Variants in MBOAT2 observed in about 807,000 individuals in gnomAD.
The protein encoded by MBOAT2 is membrane-bound glycerophospholipid O-acyltransferase 2.
MBOAT2 carries 28 observed loss-of-function variants against 63.4 expected under a neutral mutation model. The observed-to-expected ratio is 0.44, with a 90% CI of 0.33 to 0.61. The LOEUF is 0.61. Ranked by LOEUF, MBOAT2 falls within the 20% of genes least tolerant of loss-of-function variation. MBOAT2 has a pLI of 0.03. For synonymous variants in MBOAT2, 211 were observed against 215.6 expected (o/e 0.98, Z 0.19); for missense variants, 470 against 605.8 (o/e 0.78, Z 2.35).
intron 3 of MBOAT2, among the ~76,000 whole-genome samples, chr2:8,928,196 G>T (rs1320092539): frequency 1.3e-5 from 2 of 152,136 alleles, no homozygotes; most frequent in African/African-American, 2.4e-5. Context: ...AACACTGGGG[G>T]TTACATTTCA....
At chr2:8,900,323 G>A (rs1045628913) in intron 4 of MBOAT2, among the ~76,000 whole-genome samples, 1 of 152,182 alleles carries the variant, frequency 6.6e-6, no homozygotes, top group South Asian at 2.1e-4. Context: ...TGGGGCTGCA[G>A]CTAAAGTCGC....
At chr2:8,944,648 G>C (rs1011237565) in intron 2 of MBOAT2, among the ~76,000 whole-genome samples, 3 of 140,142 alleles carry the variant, frequency 2.1e-5, no homozygotes, top group African/African-American at 7.7e-5. Context: ...CTGTTTGACT[G>C]ACACACACAC....
chr2:8,922,272 CCTT>C (rs1325903792), intron 3 of MBOAT2, among the ~76,000 whole-genome samples: 1 of 152,116 alleles, frequency 6.6e-6, no homozygotes, highest in Non-Finnish European at 1.5e-5. Context: ...TCATGATCCT[CCTT>C]ATCTTAATTC....
In MBOAT2 at chr2:8,858,846, T is replaced by C. The variant is rs1376965890; in HGVS notation, c.1396A>G (p.Lys466Glu). The C allele has an allele frequency of 4.3e-6, 7 of 1,613,884 alleles. No individual in the cohort carries two copies. The South Asian group carries it at 6.6e-5, about 15-fold the overall frequency. ...GILVLLLLPV[K>E]KTQRRKNTHE... is the part of the protein sequence containing the mutation. ...GTATTCTTTCTTCTTTGAGTTTTTTTCACTGGCAACAACAATAATACTAAG... is the reference window on the plus strand; with the variant it reads ...GTATTCTTTCTTCTTTGAGTTTTTTCCACTGGCAACAACAATAATACTAAG... The change falls in exon 13 of 13, where the codon AAA becomes GAA. Residue 466 changes from lysine to glutamate, a missense_variant. By Grantham distance (56) the Lys-to-Glu change is moderately conservative. This residue lies in a region of MBOAT2 where 90 missense variants were observed against 84.9 expected (regional missense o/e 1.06). Coordinates refer to ENST00000305997, the MANE Select transcript of MBOAT2 (RefSeq NM_138799.4).
At chr2:8,978,954 T>C (rs1317190913) in intron 1 of MBOAT2, among the ~76,000 whole-genome samples, 1 of 152,080 alleles carries the variant, frequency 6.6e-6, no homozygotes, top group Non-Finnish European at 1.5e-5. Context: ...TGAGATGTGC[T>C]TTCCTCAAAC....
intron 6 of MBOAT2, 41 bp downstream of exon 6, chr2:8,882,470 G>A (rs1051114284): frequency 3.1e-6 from 5 of 1,599,990 alleles, no homozygotes; most frequent in Admixed American, 3.3e-5. Flanking sequence ...CCTAGGCAGG[G>A]GCGCAGGAAG....
intron 3 of MBOAT2, among the ~76,000 whole-genome samples, chr2:8,915,231 G>A (rs1444547520): frequency 6.6e-6 from 1 of 152,074 alleles, no homozygotes; most frequent in South Asian, 2.1e-4. Context: ...GAGCCACCGT[G>A]CCCAGCCGGA....
chr2:8,943,509 C>T (rs1668196696), intron 2 of MBOAT2, among the ~76,000 whole-genome samples: 1 of 152,204 alleles, frequency 6.6e-6, no homozygotes, highest in Non-Finnish European at 1.5e-5. Context: ...CACTCCATGT[C>T]TCCTGGCTGC....
intron 11 of MBOAT2, 75 bp from the exon 12 acceptor site, chr2:8,860,839 A>G (rs925501853): frequency 1.7e-6 from 2 of 1,180,208 alleles, no homozygotes; most frequent in African/African-American, 3.1e-5. Flanking sequence ...GGTGATATCA[A>G]CTGTTGGAAG....
At chr2:8,994,763 G>A (rs1276226350) in intron 1 of MBOAT2, among the ~76,000 whole-genome samples, 1 of 152,154 alleles carries the variant, frequency 6.6e-6, no homozygotes, top group East Asian at 1.9e-4. Flanking sequence ...GGAAAGGATG[G>A]GGCAAATCTT....
intron 4 of MBOAT2, among the ~76,000 whole-genome samples, chr2:8,889,786 A>G (rs998722432): frequency 3.9e-5 from 6 of 152,242 alleles, no homozygotes; most frequent in African/African-American, 7.2e-5. Context: ...TCAGTGACAC[A>G]GTAAGCTGTC....
intron 9 of MBOAT2, among the ~76,000 whole-genome samples, chr2:8,864,781 T>C (rs1661743737): frequency 6.6e-6 from 1 of 152,108 alleles, no homozygotes. Context: ...TCTCTCAAGT[T>C]ACTCCCACTA....
chr2:8,926,733 T>G (rs997936764), intron 3 of MBOAT2, among the ~76,000 whole-genome samples: 2 of 152,158 alleles, frequency 1.3e-5, no homozygotes, highest in African/African-American at 2.4e-5. Flanking sequence ...GTAAAAATCA[T>G]CTGGGCAGCA....
chr2:9,003,558 C>T lies in MBOAT2; in HGVS notation c.57G>A (p.Val19=). 1 of 1,228,798 alleles carries T rather than the reference C, an allele frequency of 8.1e-7. No homozygotes were observed. Among genetic ancestry groups the T allele is most frequent in the Non-Finnish European group, 1.0e-6 (1 of 979,418 alleles). 76.1% of individuals were successfully genotyped at this position (1,228,798 alleles called of 1,614,324 possible). A position where few individuals can be genotyped will look rare whatever the true frequency, so the allele number is the denominator to read the frequency against. ...GGGGTACCTGGTCGATGGGCAGCTG[C>T]ACGGCGTTGCTGAGGGGCTGCAGCA... ...STLLQPLSNA[V]QLPIDQVNFV... is the part of the protein sequence containing the mutation. Residue 19 remains valine, a synonymous_variant, in exon 1 of 13, where the codon GTG becomes GTA. Transcript: ENST00000305997. This position sits in a 1 kb window ranked among gnomAD's most constrained non-coding sequence, Gnocchi z 5.4.
chr2:8,895,807 G>A (rs1664416987), intron 4 of MBOAT2, among the ~76,000 whole-genome samples: 1 of 152,316 alleles, frequency 6.6e-6, no homozygotes, highest in African/African-American at 2.4e-5. Flanking sequence ...TAGGTTGATG[G>A]CCTCGATTCT....
In MBOAT2 at chr2:8,927,946, C is replaced by T. The variant is rs116511670; in HGVS notation, c.299+15241G>A. Among the ~76,000 whole-genome samples, 283 of 152,190 alleles carry T rather than the reference C, an allele frequency of 1.9e-3. 1 individual carries two copies. The highest frequency in any genetic ancestry group is 6.5e-3 in the African/African-American group (271 of 41,510). ...GTACAGGGAGCATGGTACTGACATA[C>T]GCTTGGCTTCTGGGGAGGTCTCGGG... is the stretch of plus-strand genomic sequence containing the variant. On this transcript the variant is annotated intron_variant, in intron 3 of 12. Coordinates refer to ENST00000305997, the MANE Select transcript of MBOAT2 (RefSeq NM_138799.4).
chr2:8,887,076 T>C (rs1237926713), intron 5 of MBOAT2, among the ~76,000 whole-genome samples: 1 of 152,188 alleles, frequency 6.6e-6, no homozygotes, highest in East Asian at 1.9e-4. Context: ...GAAGCTGAAC[T>C]GGAATCTGAG....
rs575360824 is a variant in MBOAT2 at position 8,877,298 on chromosome 2, C to T, written c.507-85G>A. 5 of 1,279,676 alleles carry T rather than the reference C, an allele frequency of 3.9e-6. No homozygotes were observed. The East Asian group carries it at 9.6e-5, about 25-fold the overall frequency. The allele number at this position is 1,279,676 out of a possible 1,614,324, so 79.3% of individuals were successfully genotyped here. A position where few individuals can be genotyped will look rare whatever the true frequency, so the allele number is the denominator to read the frequency against. ...AATAACGATCCACCTCACTGCTCTC[C>T]ATTTCCAAAGTAAAACAAGCTTTCA... On this transcript the variant is annotated intron_variant, in intron 6 of 12. Transcript: ENST00000305997.
At chr2:8,993,695 G>C (rs916048444) in intron 1 of MBOAT2, among the ~76,000 whole-genome samples, 3 of 152,134 alleles carry the variant, frequency 2.0e-5, no homozygotes, top group Admixed American at 1.3e-4. Context: ...CTCTCTACCA[G>C]GAAGTGCTCC....
Sources: allele counts gnomAD v4.1 joint callset (sites outside exome capture counted in the v4.1 genomes callset), GRCh38; gene constraint gnomAD v4.1.1; regional missense constraint gnomAD v4.1.1; non-coding constraint Gnocchi (gnomAD v3.1); transcripts MANE v1.5; gene names NCBI Gene and HGNC (gene_info 2026-07-23, HGNC 2026-07-21).